CLOCK: variants seen among roughly 807,000 people sequenced by gnomAD.
The protein encoded by CLOCK is clock circadian regulator, also known as circadian locomoter output cycles protein kaput.
A neutral mutation model predicts 118.4 loss-of-function variants in CLOCK; 43 were observed. The ratio of observed to expected loss-of-function variants is 0.36; its 90% CI spans 0.28 to 0.47. The LOEUF (loss-of-function observed/expected upper bound fraction) is 0.47. CLOCK is among the 20% of genes least tolerant of loss of function. CLOCK has a pLI of 1.00. For missense variants in CLOCK, 846 were observed against 999.9 expected, an observed-to-expected ratio of 0.85 and a Z score of 2.08; for synonymous variants, 326 against 339.2, an observed-to-expected ratio of 0.96 and a Z score of 0.43.
chr4:55,540,322 T>C (rs746412779), intron 1 of CLOCK, among the ~76,000 whole-genome samples: 1 of 148,554 alleles, frequency 6.7e-6, no homozygotes, highest in East Asian at 2.1e-4. Context: ...ATGTAATCTA[T>C]GCTTTCTTAC....
At position 55,509,976 on chromosome 4, in the gene CLOCK, A is replaced by C. The variant is rs1318082493; in HGVS notation, c.-200T>G. ...CTTGCCAAGTTCTAAAGATTCATTT[A>C]AGAGGACTGTAGAATTATCCAAAGG... is the stretch of plus-strand genomic sequence containing the variant. On this transcript the variant is annotated 5_prime_UTR_variant, in exon 2 of 23. An upstream open reading frame in the 5' UTR gains an earlier in-frame stop. Coordinates refer to ENST00000513440, the MANE Select transcript of CLOCK (RefSeq NM_004898.4). The C allele has an allele frequency of 1.3e-5, 2 of 152,226 alleles. No individual in the cohort carries two copies. Among genetic ancestry groups the C allele is most frequent in the Non-Finnish European group, 2.9e-5 (2 of 68,042 alleles). 9.4% of individuals were successfully genotyped at this position (152,226 alleles called of 1,614,324 possible).
chr4:55,540,750 G>C (rs879521557), intron 1 of CLOCK: 1 of 152,202 alleles, frequency 6.6e-6, no homozygotes, highest in South Asian at 2.1e-4. Context: ...GGGAGGAAGG[G>C]GACACCTGCC....
At chr4:55,519,608 GAAAATACA>G (rs993980845) in intron 1 of CLOCK, among the ~76,000 whole-genome samples, 1 of 151,804 alleles carries the variant, frequency 6.6e-6, no homozygotes, top group Admixed American at 6.6e-5. Context: ...CCAACATGGT[GAAAATACA>G]AAAATACAAA....
chr4:55,537,093 C>T (rs1474258051), intron 1 of CLOCK, among the ~76,000 whole-genome samples: 1 of 152,030 alleles, frequency 6.6e-6, no homozygotes, highest in Non-Finnish European at 1.5e-5. Context: ...TATTTGAAAA[C>T]TATATAACAC....
intron 2 of CLOCK, among the ~76,000 whole-genome samples, chr4:55,499,805 T>C (rs1728318639): frequency 1.3e-5 from 2 of 152,236 alleles, no homozygotes; most frequent in African/African-American, 4.8e-5. Flanking sequence ...TTTCTTTCGC[T>C]CTGTTCCATG....
In CLOCK at chr4:55,482,725, C is replaced by A. The variant is rs1304590809; in HGVS notation, c.47+14G>T. ...TAATTATATATAACTTAAAATAAGT[C>A]TTCAAAAACATACCTGTCAACAATC... is the stretch of plus-strand genomic sequence containing the variant. On this transcript the variant is annotated intron_variant, in intron 4 of 22. Coordinates refer to ENST00000513440, the MANE Select transcript of CLOCK (RefSeq NM_004898.4). 1.3e-6 allele frequency: 2 copies of A among 1,576,938 alleles called. No homozygotes were observed. The highest frequency in any genetic ancestry group is 1.7e-6 in the Non-Finnish European group (2 of 1,152,358).
chr4:55,468,878 C>T lies in CLOCK; in HGVS notation c.438+1839G>A, dbSNP rs568465625. 5.9e-5 allele frequency among the ~76,000 whole-genome samples: 9 copies of T among 152,260 alleles called. No homozygotes were observed. In the East Asian group the frequency reaches 1.7e-3, roughly 29 times the overall value. On this transcript the variant is annotated intron_variant, in intron 8 of 22. Coordinates refer to ENST00000513440, the MANE Select transcript of CLOCK (RefSeq NM_004898.4). Reference sequence around the variant, plus strand: ...ATGACCACCGGTGGCCCTAAGATTACAGTGGAGCTGAAACATTCCTACTGT... The same window carrying T: ...ATGACCACCGGTGGCCCTAAGATTATAGTGGAGCTGAAACATTCCTACTGT...
At chr4:55,457,560 T>G (rs571858550) in intron 11 of CLOCK, among the ~76,000 whole-genome samples, 1 of 152,284 alleles carries the variant, frequency 6.6e-6, no homozygotes, top group Admixed American at 6.5e-5. Flanking sequence ...AGTGGTTCCT[T>G]GTGCTAAACT....
intron 1 of CLOCK, among the ~76,000 whole-genome samples, chr4:55,539,142 T>C (rs1390702203): frequency 6.6e-6 from 1 of 151,890 alleles, no homozygotes; most frequent in East Asian, 1.9e-4. Flanking sequence ...GGCTGTGGCA[T>C]GAGAATCATT....
chr4:55,456,365 T>C, intron 11 of CLOCK, 65 bp from the exon 12 acceptor site: 2 of 1,147,504 alleles, frequency 1.7e-6, no homozygotes, highest in African/African-American at 1.5e-5. Context: ...TATTGCTACA[T>C]ATAAAAATAA....
intron 2 of CLOCK, among the ~76,000 whole-genome samples, chr4:55,499,038 T>G (rs1039317188): frequency 1.8e-4 from 27 of 152,230 alleles, no homozygotes; most frequent in Admixed American, 1.4e-3. Flanking sequence ...TCCATTTGAT[T>G]ATTTCATATA....
chr4:55,493,917 AT>A (rs1162751261), intron 2 of CLOCK, among the ~76,000 whole-genome samples: 1 of 152,244 alleles, frequency 6.6e-6, no homozygotes, highest in Non-Finnish European at 1.5e-5. Context: ...GATGTAAGAT[AT>A]TCACTAAACC....
At chr4:55,512,156 T>A (rs1729194090) in intron 1 of CLOCK, among the ~76,000 whole-genome samples, 1 of 152,172 alleles carries the variant, frequency 6.6e-6, no homozygotes, top group African/African-American at 2.4e-5. Flanking sequence ...CGTAAGAACC[T>A]GCCAAACTGC....
chr4:55,482,916 C>A, intron 3 of CLOCK, 88 bp from the exon 4 acceptor site: 2 of 595,478 alleles, frequency 3.4e-6, no homozygotes, highest in Non-Finnish European at 5.8e-6. Context: ...TATGTTATCA[C>A]AGAGACTTCA....
At chr4:55,531,703 CAAAAAAAAAAAAA>C (rs373796432) in intron 1 of CLOCK, among the ~76,000 whole-genome samples, 1 of 41,248 alleles carries the variant, frequency 2.4e-5, no homozygotes, top group Non-Finnish European at 4.2e-5. Context: ...GACTTCGTCT[CAAAAAAAAAAAAA>C]AAAAAAAAAA....
chr4:55,495,070 A>G (rs577073980), intron 2 of CLOCK, among the ~76,000 whole-genome samples: 1 of 152,114 alleles, frequency 6.6e-6, no homozygotes, highest in African/African-American at 2.4e-5. Flanking sequence ...CCTGCATAGG[A>G]GATCATCAAA....
At position 55,443,909 on chromosome 4, in the gene CLOCK, A is replaced by G. The variant is rs771750590; in HGVS notation, c.1693-13T>C. ...GTTGCAAAAACATCTTTAAAAATAA[A>G]GATTATGTTAAAATGAGCTTTGTAG... On this transcript the variant is annotated splice_polypyrimidine_tract_variant and intron_variant, in intron 19 of 22. Coordinates refer to ENST00000513440, the MANE Select transcript of CLOCK (RefSeq NM_004898.4). 11 of 1,607,750 alleles carry G rather than the reference A, an allele frequency of 6.8e-6. No individual in the cohort carries two copies. The South Asian group carries it at 1.2e-4, about 18-fold the overall frequency.
At position 55,527,616 on chromosome 4, in the gene CLOCK, C is replaced by T. The variant is rs189163887; in HGVS notation, c.-289-17551G>A. ...AAAAAACATAACTGGGAGGTATGTA[C>T]CTGATTCAAATCCTGATACAAATAA... is the stretch of plus-strand genomic sequence containing the variant. On this transcript the variant is annotated intron_variant, in intron 1 of 22. Coordinates refer to ENST00000513440, the MANE Select transcript of CLOCK (RefSeq NM_004898.4). Among the ~76,000 whole-genome samples the T allele has an allele frequency of 1.5e-3, 230 of 151,938 alleles. 2 individuals are homozygous for T. Among genetic ancestry groups the T allele is most frequent in the Non-Finnish European group, 2.3e-3 (154 of 67,958 alleles).
chr4:55,470,190 C>T (rs1726033198), intron 8 of CLOCK, among the ~76,000 whole-genome samples: 1 of 152,160 alleles, frequency 6.6e-6, no homozygotes, highest in Admixed American at 6.5e-5. Flanking sequence ...TCACCCAAAG[C>T]AACTTCCAGT....
Sources: allele counts gnomAD v4.1 joint callset (sites outside exome capture counted in the v4.1 genomes callset), GRCh38; gene constraint gnomAD v4.1.1; transcripts MANE v1.5; gene names NCBI Gene and HGNC (gene_info 2026-07-23, HGNC 2026-07-21).